Variants in CAPN7 observed in about 807,000 individuals in gnomAD.
The protein encoded by CAPN7 is calpain 7, also known as calpain-7.
Under a neutral mutation model 115.2 loss-of-function variants are expected in CAPN7, and 72 were observed. That is an observed-to-expected ratio of 0.63 (90% CI 0.52 to 0.76). The LOEUF (loss-of-function observed/expected upper bound fraction) is 0.76. Among genes scored for constraint, CAPN7 ranks in the 30% least tolerant of loss-of-function variants. The probability of loss-of-function intolerance (pLI) is 0.00; values close to 1 mark genes in which losing one functional copy is unlikely to be tolerated. For missense variants in CAPN7, 905 were observed against 971.5 expected, an observed-to-expected ratio of 0.93 and a Z score of 0.91; for synonymous variants, 344 against 322.3, an observed-to-expected ratio of 1.07 and a Z score of -0.72.
chr3:15,210,848 T>C, intron 1 of CAPN7: 2 of 1,289,648 alleles, frequency 1.6e-6, no homozygotes, highest in Non-Finnish European at 2.0e-6. Context: ...CAAAAAGTGA[T>C]GTTCAGTAGA....
chr3:15,209,907 G>T (rs2044837820), intron 1 of CAPN7, among the ~76,000 whole-genome samples: 1 of 152,124 alleles, frequency 6.6e-6, no homozygotes, highest in Non-Finnish European at 1.5e-5. Flanking sequence ...AGTGTTTTCT[G>T]CCCAGTCCTT....
intron 19 of CAPN7, among the ~76,000 whole-genome samples, chr3:15,248,287 T>C (rs1695792109): frequency 2.0e-5 from 3 of 152,202 alleles, no homozygotes; most frequent in Admixed American, 6.5e-5. Flanking sequence ...CATATATTCA[T>C]TGACAACATT....
rs534886505 is a variant in CAPN7, at chr3:15,233,784, A to G, written c.1180-83A>G. On this transcript the variant is annotated intron_variant, in intron 10 of 20. Coordinates refer to ENST00000253693, the MANE Select transcript of CAPN7 (RefSeq NM_014296.3). ...TATTTCTACCAAAATCATTATGCCA[A>G]ATCAGTGAGATGTAATAGCTGCTCT... is the stretch of plus-strand genomic sequence containing the variant. 7.7e-5 allele frequency: 57 copies of G among 742,296 alleles called. No individual in the cohort carries two copies. The African/African-American group carries it at 9.0e-4, about 12-fold the overall frequency. 46.0% of individuals were successfully genotyped at this position (742,296 alleles called of 1,614,324 possible). A position where few individuals can be genotyped will look rare whatever the true frequency, so the allele number is the denominator to read the frequency against.
At chr3:15,247,595 G>C in intron 19 of CAPN7, 138 bp downstream of exon 19, 1 of 567,846 alleles carries the variant, frequency 1.8e-6, no homozygotes. Flanking sequence ...AGTGAGGAAA[G>C]GACAATCTTT....
chr3:15,210,390 G>A (rs937005510), intron 1 of CAPN7, among the ~76,000 whole-genome samples: 6 of 151,746 alleles, frequency 4.0e-5, no homozygotes, highest in Non-Finnish European at 5.9e-5. Context: ...AAAACATTCC[G>A]TTTATTGGAT....
chr3:15,217,809 T>C (rs781513998), intron 3 of CAPN7, among the ~76,000 whole-genome samples: 1 of 152,242 alleles, frequency 6.6e-6, no homozygotes, highest in Non-Finnish European at 1.5e-5. Context: ...ACAAGAACTA[T>C]TTTTAACATT....
chr3:15,220,587 T>C (rs541808538), intron 4 of CAPN7, among the ~76,000 whole-genome samples, 194 bp from the exon 5 acceptor site: 1 of 152,322 alleles, frequency 6.6e-6, no homozygotes, highest in South Asian at 2.1e-4. Flanking sequence ...ATGTTGTCAA[T>C]AGAATATTGT....
chr3:15,219,634 A>G (rs920862596), intron 4 of CAPN7, among the ~76,000 whole-genome samples: 1 of 152,204 alleles, frequency 6.6e-6, no homozygotes. Flanking sequence ...TCCTATGAGG[A>G]TCTTTTGAAA....
chr3:15,220,583 T>A (rs575903519), intron 4 of CAPN7, among the ~76,000 whole-genome samples, 198 bp from the exon 5 acceptor site: 2 of 152,374 alleles, frequency 1.3e-5, no homozygotes, highest in South Asian at 4.1e-4. Context: ...ATTAATGTTG[T>A]CAATAGAATA....
chr3:15,222,598 C>T (rs1694067644), intron 5 of CAPN7, among the ~76,000 whole-genome samples: 1 of 152,188 alleles, frequency 6.6e-6, no homozygotes, highest in African/African-American at 2.4e-5. Flanking sequence ...TGCACCAACA[C>T]AGCACAATAC....
chr3:15,240,974 G>T, intron 14 of CAPN7, 121 bp downstream of exon 14: 3 of 610,068 alleles, frequency 4.9e-6, no homozygotes, highest in Non-Finnish European at 8.5e-6. Flanking sequence ...GGAGGCCGAG[G>T]TGGGTGGATC....
rs530160710 is a variant in CAPN7, at chr3:15,242,309, A to G, written c.1864+56A>G. 923 of 1,114,556 alleles carry G rather than the reference A, an allele frequency of 8.3e-4. No homozygotes were observed. Among genetic ancestry groups the G allele is most frequent in the Non-Finnish European group, 9.3e-4 (723 of 774,012 alleles). The allele number at this position is 1,114,556 out of a possible 1,614,324, so 69.0% of individuals were successfully genotyped here. A position where few individuals can be genotyped will look rare whatever the true frequency, so the allele number is the denominator to read the frequency against. ...TAAACATACATAAGATTTTATTTATATGATTAAGTTGAAAAATGACACATT... is the reference window on the plus strand; with the variant it reads ...TAAACATACATAAGATTTTATTTATGTGATTAAGTTGAAAAATGACACATT... On this transcript the variant is annotated intron_variant, in intron 16 of 20. Transcript: ENST00000253693.
At chr3:15,246,034 C>T (rs755530707) in intron 17 of CAPN7, 24 of 157,806 alleles carry the variant, frequency 1.5e-4, no homozygotes, top group Admixed American at 1.4e-3. Flanking sequence ...CTCCACTTCC[C>T]GGGCTCAAGT....
intron 1 of CAPN7, among the ~76,000 whole-genome samples, chr3:15,211,156 G>A (rs1429618834): frequency 6.6e-6 from 1 of 152,078 alleles, no homozygotes; most frequent in Non-Finnish European, 1.5e-5. Context: ...TATTTTCTGT[G>A]GAGAAAACTG....
intron 12 of CAPN7, among the ~76,000 whole-genome samples, chr3:15,238,238 C>G (rs945786791): frequency 6.6e-6 from 1 of 150,782 alleles, no homozygotes; most frequent in Admixed American, 6.6e-5. Context: ...CTCAGCCCCC[C>G]AAGTAGCTGA....
chr3:15,230,598 G>T (rs1694626410), intron 9 of CAPN7, 63 bp downstream of exon 9: 1 of 953,702 alleles, frequency 1.0e-6, no homozygotes, highest in African/African-American at 1.6e-5. Context: ...TTTGAATCTT[G>T]AGTGAAATCA....
chr3:15,217,072 T>C (rs938487405), intron 2 of CAPN7, among the ~76,000 whole-genome samples: 1 of 135,408 alleles, frequency 7.4e-6, no homozygotes, highest in Non-Finnish European at 1.5e-5. Flanking sequence ...ACCCCATCTC[T>C]ACAAAAAAAA....
In CAPN7 at chr3:15,247,530, GA is replaced by G. The variant is rs1225631287; in HGVS notation, c.2204+76del. 2.4e-6 allele frequency: 3 copies of G among 1,247,858 alleles called. No individual in the cohort carries two copies. The Admixed American group carries it at 7.3e-5, about 30-fold the overall frequency. 77.3% of individuals were successfully genotyped at this position (1,247,858 alleles called of 1,614,324 possible). ...GAACATAGTATAACAAAAAAGTTTAGAAACAGACCTAAGCATATATGGACAT... is the reference window on the plus strand; with the variant it reads ...GAACATAGTATAACAAAAAAGTTTAGAACAGACCTAAGCATATATGGACAT... On this transcript the variant is annotated intron_variant, in intron 19 of 20. Coordinates refer to ENST00000253693, the MANE Select transcript of CAPN7 (RefSeq NM_014296.3).
chr3:15,222,610 G>C (rs1365461743), intron 5 of CAPN7, among the ~76,000 whole-genome samples: 1 of 152,154 alleles, frequency 6.6e-6, no homozygotes, highest in Non-Finnish European at 1.5e-5. Flanking sequence ...GCACAATACA[G>C]GACAAAGAAG....
Sources: gnomAD v4.1 joint callset for allele counts (sites outside exome capture counted in the v4.1 genomes callset) on GRCh38, gnomAD v4.1.1 for gene constraint, MANE v1.5 for transcripts, NCBI Gene and HGNC (gene_info 2026-07-23, HGNC 2026-07-21) for gene names.